The following KLHDC1 variants were observed in gnomAD, a reference collection of about 807,000 sequenced individuals.
KLHDC1 encodes kelch domain containing 1, also known as kelch domain-containing protein 1.
KLHDC1 carries 53 observed loss-of-function variants against 68.3 expected under a neutral mutation model. The ratio of observed to expected loss-of-function variants is 0.78; its 90% CI spans 0.62 to 0.98. The LOEUF (loss-of-function observed/expected upper bound fraction) is 0.98. Ranked by LOEUF, KLHDC1 falls within the 50% of genes least tolerant of loss-of-function variation. The probability of loss-of-function intolerance (pLI) is 0.00; values close to 1 mark genes in which losing one functional copy is unlikely to be tolerated. For missense variants in KLHDC1, 470 were observed against 492.3 expected, an observed-to-expected ratio of 0.95 and a Z score of 0.43; for synonymous variants, 148 against 159.0, an observed-to-expected ratio of 0.93 and a Z score of 0.52.
rs987760647 is a variant in KLHDC1, at chr14:49,719,430, A to T, written c.405-4444A>T. Among the ~76,000 whole-genome samples, 18 of 147,880 alleles carry T rather than the reference A, an allele frequency of 1.2e-4. No individual in the cohort carries two copies. The South Asian group carries it at 1.3e-3, about 10-fold the overall frequency. ...TTTATTTATTTATTTATTTATTTTTATTTATATATATTTTTTGAGACAGAG... is the reference window on the plus strand; with the variant it reads ...TTTATTTATTTATTTATTTATTTTTTTTTATATATATTTTTTGAGACAGAG... On this transcript the variant is annotated intron_variant, in intron 4 of 12. Transcript: ENST00000359332.
At chr14:49,743,021 CTGAT>C (rs1458204839) in intron 11 of KLHDC1, among the ~76,000 whole-genome samples, 2 of 133,280 alleles carry the variant, frequency 1.5e-5, no homozygotes, top group Non-Finnish European at 3.1e-5. Flanking sequence ...GCAGTGAGCT[CTGAT>C]TGCACCACTG....
intron 1 of KLHDC1, among the ~76,000 whole-genome samples, chr14:49,705,476 C>T (rs1358766358): frequency 7.1e-6 from 1 of 140,026 alleles, no homozygotes; most frequent in African/African-American, 2.6e-5. Context: ...TCAAGCAATT[C>T]TCCTGTCTCA....
At chr14:49,695,663 A>G (rs904708373) in intron 1 of KLHDC1, among the ~76,000 whole-genome samples, 1 of 152,224 alleles carries the variant, frequency 6.6e-6, no homozygotes, top group African/African-American at 2.4e-5. Context: ...ATTAGCCACT[A>G]ACAAGAGAAT....
At position 49,719,400 on chromosome 14, in the gene KLHDC1, TTTTA is replaced by T. The variant is rs146638829; in HGVS notation, c.405-4450_405-4447del. Reference sequence around the variant, plus strand: ...TTTTTTTCTTTCAGCACTTTACAGGTTTTATTTATTTATTTATTTATTTATTTTT... The same window carrying T: ...TTTTTTTCTTTCAGCACTTTACAGGTTTTATTTATTTATTTATTTATTTTT... On this transcript the variant is annotated intron_variant, in intron 4 of 12. Coordinates refer to ENST00000359332, the MANE Select transcript of KLHDC1 (RefSeq NM_172193.3). 5.2e-3 allele frequency among the ~76,000 whole-genome samples: 778 copies of T among 150,872 alleles called. 6 individuals carry two copies. Among genetic ancestry groups the T allele is most frequent in the African/African-American group, 0.018 (731 of 41,326 alleles).
chr14:49,693,365 A>T, intron 1 of KLHDC1, 75 bp downstream of exon 1: 3 of 1,099,244 alleles, frequency 2.7e-6, no homozygotes, highest in Non-Finnish European at 3.6e-6. Flanking sequence ...CGCCCGCCAC[A>T]CCCGCTCCCG....
intron 8 of KLHDC1, among the ~76,000 whole-genome samples, chr14:49,731,555 C>T (rs1888810233): frequency 6.6e-6 from 1 of 151,992 alleles, no homozygotes; most frequent in Non-Finnish European, 1.5e-5. Context: ...CTACAACCTC[C>T]ACCTCCCAGG....
Position 49,748,236 on chromosome 14 carries a change from T to C in KLHDC1, c.1035-3350T>C, listed in dbSNP as rs370904984. On this transcript the variant is annotated intron_variant, in intron 12 of 12. Transcript: ENST00000359332. ...AAAGACCTCAGTGACTGGGGGAAAA[T>C]GAGCTGGAGGTTAGTAGATGGCAAC... Among the ~76,000 whole-genome samples, 6 of 152,094 alleles carry C rather than the reference T, an allele frequency of 3.9e-5. No individual in the cohort carries two copies. In the East Asian group the frequency reaches 1.2e-3, roughly 29 times the overall value.
At chr14:49,708,528 AG>A (rs2139737225) in intron 1 of KLHDC1, 1 of 152,326 alleles carries the variant, frequency 6.6e-6, no homozygotes, top group Non-Finnish European at 1.5e-5. Flanking sequence ...CTTTTCATCA[AG>A]AATGTCAGAA....
chr14:49,745,951 A>G (rs1889189371), intron 12 of KLHDC1, among the ~76,000 whole-genome samples: 1 of 152,212 alleles, frequency 6.6e-6, no homozygotes, highest in Non-Finnish European at 1.5e-5. Flanking sequence ...TGGACGAAAA[A>G]TTGAAGGGAT....
intron 4 of KLHDC1, among the ~76,000 whole-genome samples, chr14:49,710,603 A>G (rs147696967): frequency 6.6e-6 from 1 of 152,244 alleles, no homozygotes; most frequent in South Asian, 2.1e-4. Context: ...TCCAGTGCTT[A>G]TATTTATACT....
At position 49,751,961 on chromosome 14, in the gene KLHDC1, A is replaced by T; in HGVS notation, c.*189A>T. On this transcript the variant is annotated 3_prime_UTR_variant, in exon 13 of 13. Coordinates refer to ENST00000359332, the MANE Select transcript of KLHDC1 (RefSeq NM_172193.3). The stretch of plus-strand genomic sequence containing the variant: ...TTAATGCAGATTAATTTATATTTGT[A>T]AACAAATTTCCTTACAAACTGCAGA... The T allele has an allele frequency of 6.1e-6, 2 of 326,264 alleles. No individual in the cohort carries two copies. The highest frequency in any genetic ancestry group is 1.1e-5 in the Non-Finnish European group (2 of 177,202). 20.2% of individuals were successfully genotyped at this position (326,264 alleles called of 1,614,324 possible).
In KLHDC1 at chr14:49,713,632, T is replaced by A. The variant is rs572503411; in HGVS notation, c.404+3251T>A. 1.1e-4 allele frequency among the ~76,000 whole-genome samples: 16 copies of A among 151,094 alleles called. 1 individual carries two copies. In the South Asian group the frequency reaches 3.4e-3, roughly 32 times the overall value. ...CTGCCCTAGTGGCTCTTGCCTATAA[T>A]CCCAGCATTTTGGGAGGCTGAGGTA... On this transcript the variant is annotated intron_variant, in intron 4 of 12. Coordinates refer to ENST00000359332, the MANE Select transcript of KLHDC1 (RefSeq NM_172193.3).
chr14:49,738,476 A>G (rs970426014), intron 10 of KLHDC1, among the ~76,000 whole-genome samples: 2 of 151,652 alleles, frequency 1.3e-5, no homozygotes, highest in Non-Finnish European at 2.9e-5. Flanking sequence ...CCTTCTAAGT[A>G]GCTGGGATTA....
chr14:49,727,559 G>A (rs1380458995), intron 6 of KLHDC1, among the ~76,000 whole-genome samples: 1 of 152,164 alleles, frequency 6.6e-6, no homozygotes, highest in Non-Finnish European at 1.5e-5. Context: ...AAGTATTAGA[G>A]TTTGGCCATT....
chr14:49,709,317 G>A, intron 2 of KLHDC1, 88 bp downstream of exon 2: 1 of 604,382 alleles, frequency 1.7e-6, no homozygotes, highest in South Asian at 2.5e-5. Flanking sequence ...ACCATACTTT[G>A]AACATACTGC....
chr14:49,743,630 TAGAA>T (rs1889122035), intron 11 of KLHDC1, 119 bp from the exon 12 acceptor site: 5 of 610,546 alleles, frequency 8.2e-6, no homozygotes, highest in South Asian at 6.7e-5. Context: ...TGTCAACAGC[TAGAA>T]AGATTTATTT....
intron 1 of KLHDC1, among the ~76,000 whole-genome samples, chr14:49,707,295 TGTGAGAGAGA>T (rs1209179745): frequency 2.1e-5 from 3 of 139,880 alleles, no homozygotes; most frequent in Non-Finnish European, 1.5e-5. Context: ...TGTGTGTGTG[TGTGAGAGAGA>T]GAGAGAGAGA....
intron 10 of KLHDC1, among the ~76,000 whole-genome samples, chr14:49,736,379 C>T (rs555229444): frequency 6.6e-6 from 1 of 152,180 alleles, no homozygotes; most frequent in South Asian, 2.1e-4. Flanking sequence ...CATCAGGTTG[C>T]AAGCTAGATG....
At chr14:49,737,247 G>A (rs969692069) in intron 10 of KLHDC1, among the ~76,000 whole-genome samples, 2 of 152,220 alleles carry the variant, frequency 1.3e-5, no homozygotes, top group African/African-American at 4.8e-5. Context: ...TTATATCAAT[G>A]TATCTTCTAT....
Sources: gnomAD v4.1 joint callset for allele counts (sites outside exome capture counted in the v4.1 genomes callset) on GRCh38, gnomAD v4.1.1 for gene constraint, MANE v1.5 for transcripts, NCBI Gene and HGNC (gene_info 2026-07-23, HGNC 2026-07-21) for gene names.